Variants in FSCN3 observed in about 807,000 individuals in gnomAD.
FSCN3 encodes fascin actin-bundling protein 3.
FSCN3 carries 43 observed loss-of-function variants against 53.5 expected under a neutral mutation model. The ratio of observed to expected loss-of-function variants is 0.80; its 90% CI spans 0.63 to 1.04. FSCN3 has a LOEUF of 1.04. Ranked by LOEUF, FSCN3 falls within the 50% of genes least tolerant of loss-of-function variation. FSCN3 has a pLI of 0.00. For missense variants in FSCN3, 594 were observed against 646.5 expected, an observed-to-expected ratio of 0.92 and a Z score of 0.88; for synonymous variants, 235 against 246.6, an observed-to-expected ratio of 0.95 and a Z score of 0.44.
rs1028098163 is a variant in FSCN3, at chr7:127,595,891, C to T, written c.729C>T (p.Leu243=). 27 of 1,613,426 alleles carry T rather than the reference C, an allele frequency of 1.7e-5. No individual in the cohort carries two copies. The highest frequency in any genetic ancestry group is 3.4e-6 in the Non-Finnish European group (4 of 1,179,702). ...TATATCCACAGGGCACGCATCTGCT[C>T]TTGGGCATGGGCTGCAACCCCATGA... ...GMLYPQGTHL[L]LGMGCNPMRG... is the part of the protein sequence containing the mutation. Residue 243 remains leucine, a synonymous_variant, in exon 2 of 7, where the codon CTC becomes CTT. Transcript: ENST00000265825.
chr7:127,601,554 C>G (rs1184270113), intron 6 of FSCN3, 69 bp from the exon 7 acceptor site: 1 of 152,208 alleles, frequency 6.6e-6, no homozygotes, highest in African/African-American at 2.4e-5. Flanking sequence ...ACCCAGTATT[C>G]TAAAAGCCAG....
At chr7:127,600,140 C>A in intron 5 of FSCN3, 54 bp from the exon 6 acceptor site, 2 of 960,224 alleles carry the variant, frequency 2.1e-6, no homozygotes, top group Non-Finnish European at 1.7e-6. Flanking sequence ...AAGGCCAGAT[C>A]GCTGGAGGAC....
At chr7:127,594,930 T>C (rs1333174139) in intron 1 of FSCN3, 6 of 476,282 alleles carry the variant, frequency 1.3e-5, no homozygotes, top group Admixed American at 2.4e-5. Context: ...CTAAGTGTGC[T>C]CTCTGCGGAC....
rs1311162041 is a variant in FSCN3 at position 127,600,177 on chromosome 7, A to C, written c.1292-17A>C. The C allele has an allele frequency of 8.2e-6, 12 of 1,471,906 alleles. No homozygotes were observed. The highest frequency in any genetic ancestry group is 1.1e-5 in the Non-Finnish European group (12 of 1,050,746). The allele number at this position is 1,471,906 out of a possible 1,614,324, so 91.2% of individuals were successfully genotyped here. A position where few individuals can be genotyped will look rare whatever the true frequency, so the allele number is the denominator to read the frequency against. The stretch of plus-strand genomic sequence containing the variant: ...CCCCTGTGAATGGCCCACCAACCTG[A>C]GCTCTTCCTTCTCCAGCACAGGGGG... On this transcript the variant is annotated splice_polypyrimidine_tract_variant and intron_variant, in intron 5 of 6. Transcript: ENST00000265825.
intron 4 of FSCN3, 137 bp from the exon 5 acceptor site, chr7:127,599,244 C>T (rs1373653925): frequency 7.2e-6 from 5 of 692,146 alleles, no homozygotes; most frequent in East Asian, 2.5e-5. Flanking sequence ...TAGCATAAGA[C>T]CTGACACATA....
chr7:127,600,308 C>A lies in FSCN3; in HGVS notation c.1406C>A (p.Ala469Asp), dbSNP rs757323520. Residue 469 changes from alanine to aspartate, a missense_variant, in exon 6 of 7, where the codon GCC becomes GAC. Coordinates refer to ENST00000265825, the MANE Select transcript of FSCN3 (RefSeq NM_020369.3). ...GGGAGCAACTTACTCACTGTACTGG[C>A]CCCCAATGGCTTCTACATGCGAGCC... is the stretch of plus-strand genomic sequence containing the variant. ...LQGSNLLTVL[A>D]PNGFYMRADQ... The A allele has an allele frequency of 6.2e-7, 1 of 1,611,384 alleles. No homozygotes were observed. The highest frequency in any genetic ancestry group is 1.1e-5 in the South Asian group (1 of 91,030).
chr7:127,593,804 CG>C lies in FSCN3; in HGVS notation c.-43del, dbSNP rs578039182. On this transcript the variant is annotated 5_prime_UTR_variant, in exon 1 of 7. Coordinates refer to ENST00000265825, the MANE Select transcript of FSCN3 (RefSeq NM_020369.3). ...CCCTATGGCCTGTGGAACCTCACCACGGGGGGGAGGGCTGGGCCAGACGGAG... is the reference window on the plus strand; with the variant it reads ...CCCTATGGCCTGTGGAACCTCACCACGGGGGGAGGGCTGGGCCAGACGGAG... 65 of 1,544,618 alleles carry C rather than the reference CG, an allele frequency of 4.2e-5. 1 individual carries two copies. In the Middle Eastern group the frequency reaches 2.4e-3, roughly 57 times the overall value.
chr7:127,599,296 T>C, intron 4 of FSCN3, 85 bp from the exon 5 acceptor site: 1 of 970,294 alleles, frequency 1.0e-6, no homozygotes, highest in African/African-American at 1.6e-5. Context: ...CACACCCTTC[T>C]GCAATTAGCG....
intron 1 of FSCN3, chr7:127,594,884 A>T (rs1043381215): frequency 2.1e-6 from 1 of 474,540 alleles, no homozygotes; most frequent in Non-Finnish European, 4.3e-6. Flanking sequence ...CTGTCTTGCC[A>T]TGCTGGAAGG....
rs1196500475 is a variant in FSCN3 at position 127,595,762 on chromosome 7, C to T, written c.600C>T (p.Ser200=). ...HLETSTHHFL[S]HVDRLFSQPS... The stretch of plus-strand genomic sequence containing the variant: ...AGACCTCTACACACCACTTCTTGTC[C>T]CATGTAGACCGGCTGTTCTCCCAAC... The change falls in exon 2 of 7, where the codon TCC becomes TCT. Residue 200 remains serine (S), a synonymous_variant. Coordinates refer to ENST00000265825, the MANE Select transcript of FSCN3 (RefSeq NM_020369.3). 6.2e-7 allele frequency: 1 copy of T among 1,613,642 alleles called. No homozygotes were observed.
At position 127,596,459 on chromosome 7, in the gene FSCN3, C is replaced by T. The variant is rs1231546352; in HGVS notation, c.960+13C>T. 6 of 1,286,896 alleles carry T rather than the reference C, an allele frequency of 4.7e-6. No individual in the cohort carries two copies. Among genetic ancestry groups the T allele is most frequent in the Non-Finnish European group, 6.8e-6 (6 of 883,014 alleles). The allele number at this position is 1,286,896 out of a possible 1,614,324, so 79.7% of individuals were successfully genotyped here. A position where few individuals can be genotyped will look rare whatever the true frequency, so the allele number is the denominator to read the frequency against. On this transcript the variant is annotated intron_variant, in intron 3 of 6. Coordinates refer to ENST00000265825, the MANE Select transcript of FSCN3 (RefSeq NM_020369.3). ...CTACCTATCCCAGGTGAGACCTTGG[C>T]TTCCTGAGCAAGAGAAACCTTAAGC...
In FSCN3 at chr7:127,596,322, C is replaced by T. The variant is rs1476895689; in HGVS notation, c.842-6C>T. On this transcript the variant is annotated splice_region_variant and splice_polypyrimidine_tract_variant and intron_variant, in intron 2 of 6. Transcript: ENST00000265825. ...AGGCTTTTACTGACATGCGCTTCCT[C>T]TGCAGATGGTGAGGTGCGTGCTGCT... 1 of 1,598,350 alleles carries T rather than the reference C, an allele frequency of 6.3e-7. No homozygotes were observed. Among genetic ancestry groups the T allele is most frequent in the African/African-American group, 1.3e-5 (1 of 74,594 alleles).
At chr7:127,594,298 GAA>G (rs1794349906) in intron 1 of FSCN3, among the ~76,000 whole-genome samples, 1 of 126,950 alleles carries the variant, frequency 7.9e-6, no homozygotes, top group Non-Finnish European at 1.7e-5. Flanking sequence ...GCCTGTATAT[GAA>G]AGCAGGGTGT....
At chr7:127,594,049 T>G in intron 1 of FSCN3, 52 bp downstream of exon 1, 1 of 1,595,832 alleles carries the variant, frequency 6.3e-7, no homozygotes, top group Non-Finnish European at 8.5e-7. Flanking sequence ...CCAAGCTGTG[T>G]GTGTGTGTGT....
intron 3 of FSCN3, among the ~76,000 whole-genome samples, chr7:127,598,219 T>G (rs537072483): frequency 4.5e-4 from 69 of 152,332 alleles, no homozygotes; most frequent in African/African-American, 1.5e-3. Flanking sequence ...GGCGTAGTTT[T>G]TATGCTGTGC....
Position 127,600,352 on chromosome 7 carries a change from T to C in FSCN3, c.1450T>C (p.Leu484=). ...YMRADQSGTL[L]ADSEDITREC... ...GCGAGCCGACCAAAGTGGCACCCTG[T>C]TGGCAGACAGTGAAGACATTACCAG... The change falls in exon 6 of 7, where the codon TTG becomes CTG. Residue 484 remains leucine (L), a synonymous_variant. Coordinates refer to ENST00000265825, the MANE Select transcript of FSCN3 (RefSeq NM_020369.3). 1 of 1,613,662 alleles carries C rather than the reference T, an allele frequency of 6.2e-7. No homozygotes were observed. Among genetic ancestry groups the C allele is most frequent in the South Asian group, 1.1e-5 (1 of 91,078 alleles).
At chr7:127,594,051 T>C in intron 1 of FSCN3, 54 bp downstream of exon 1, 2 of 1,596,294 alleles carry the variant, frequency 1.3e-6, no homozygotes, top group Non-Finnish European at 1.7e-6. Flanking sequence ...AAGCTGTGTG[T>C]GTGTGTGTGC....
rs1169104128 is a variant in FSCN3, at chr7:127,593,847, C to T, written c.-7C>T. ...CAGACGGAGACATCACCTGTGGTGT[C>T]AGCCCCATGGATGAGACAGAGTGGA... On this transcript the variant is annotated 5_prime_UTR_variant, in exon 1 of 7. Coordinates refer to ENST00000265825, the MANE Select transcript of FSCN3 (RefSeq NM_020369.3). 6.4e-6 allele frequency: 10 copies of T among 1,561,010 alleles called. No individual in the cohort carries two copies. The highest frequency in any genetic ancestry group is 1.9e-5 in the Admixed American group (1 of 51,900).
chr7:127,595,907 A>G lies in FSCN3; in HGVS notation c.745A>G (p.Asn249Asp), dbSNP rs763371365. 2 of 1,612,788 alleles carry G rather than the reference A, an allele frequency of 1.2e-6. No homozygotes were observed. Among genetic ancestry groups the G allele is most frequent in the South Asian group, 1.1e-5 (1 of 90,806 alleles). The change falls in exon 2 of 7, where the codon AAC (asparagine) becomes GAC (aspartate). Residue 249 changes from asparagine (N) to aspartate (D), a missense_variant. Asn to Asp is a conservative substitution (Grantham distance 23, BLOSUM62 1). Transcript: ENST00000265825. ...GTHLLLGMGC[N>D]PMRGEEWFIL... ...GCATCTGCTCTTGGGCATGGGCTGC[A>G]ACCCCATGAGGGGTGAGGAGTGGTT...
Sources: gnomAD v4.1 joint callset for allele counts (sites outside exome capture counted in the v4.1 genomes callset) on GRCh38, gnomAD v4.1.1 for gene constraint, MANE v1.5 for transcripts, NCBI Gene and HGNC (gene_info 2026-07-23, HGNC 2026-07-21) for gene names.